Variants in VAV3 observed in about 807,000 individuals in gnomAD.
VAV3 encodes the protein guanine nucleotide exchange factor VAV3.
VAV3 carries 94 observed loss-of-function variants against 131.2 expected under a neutral mutation model. The ratio of observed to expected loss-of-function variants is 0.72; its 90% CI spans 0.61 to 0.85. The LOEUF (loss-of-function observed/expected upper bound fraction) is 0.85. Among genes scored for constraint, VAV3 ranks in the 40% least tolerant of loss-of-function variants. The pLI is 0.00. For missense variants in VAV3, 939 were observed against 1,002.7 expected, an observed-to-expected ratio of 0.94 and a Z score of 0.86; for synonymous variants, 349 against 342.0, an observed-to-expected ratio of 1.02 and a Z score of -0.22.
chr1:107,903,384 A>C (rs1671960369), intron 1 of VAV3, among the ~76,000 whole-genome samples: 1 of 152,128 alleles, frequency 6.6e-6, no homozygotes, highest in African/African-American at 2.4e-5. Context: ...TCAATCCCAG[A>C]CTTCCTAGGC....
intron 20 of VAV3, among the ~76,000 whole-genome samples, chr1:107,626,682 T>C (rs972574171): frequency 6.6e-6 from 1 of 152,136 alleles, no homozygotes; most frequent in African/African-American, 2.4e-5. Flanking sequence ...AAAGGATCAT[T>C]GCCATGATAA....
chr1:107,860,271 G>A (rs1669676144), intron 2 of VAV3, among the ~76,000 whole-genome samples: 1 of 151,846 alleles, frequency 6.6e-6, no homozygotes, highest in South Asian at 2.1e-4. Flanking sequence ...CACATGCATG[G>A]CACCACACCT....
chr1:107,623,486 G>C (rs951889527), intron 20 of VAV3, among the ~76,000 whole-genome samples: 4 of 152,122 alleles, frequency 2.6e-5, no homozygotes, highest in Admixed American at 1.3e-4. Context: ...AACTTGCTAA[G>C]CCGCAAGGAA....
At chr1:107,607,334 G>A (rs891451938) in intron 22 of VAV3, among the ~76,000 whole-genome samples, 5 of 152,018 alleles carry the variant, frequency 3.3e-5, no homozygotes, top group Middle Eastern at 3.2e-3. Context: ...ACTCTATTTC[G>A]TTTCTTTGGC....
intron 19 of VAV3, among the ~76,000 whole-genome samples, chr1:107,680,214 C>T (rs1383257692): frequency 1.3e-5 from 2 of 148,444 alleles, no homozygotes. Context: ...ATAACAAACA[C>T]TAATAATTTC....
intron 10 of VAV3, among the ~76,000 whole-genome samples, chr1:107,759,796 A>G (rs1183282838): frequency 6.6e-6 from 1 of 152,186 alleles, no homozygotes; most frequent in African/African-American, 2.4e-5. Flanking sequence ...TACCTTCTAA[A>G]TTCTTCAATC....
At chr1:107,631,728 TTTGG>T (rs1654506816) in intron 20 of VAV3, among the ~76,000 whole-genome samples, 1 of 148,876 alleles carries the variant, frequency 6.7e-6, no homozygotes, top group Non-Finnish European at 1.5e-5. Context: ...ACATGCGGTG[TTTGG>T]TTTTTTGTCC....
intron 15 of VAV3, among the ~76,000 whole-genome samples, chr1:107,728,612 T>C (rs141400765): frequency 0.17 from 14,885 of 90,128 alleles, 1,183 homozygotes; most frequent in African/African-American, 0.27. Context: ...TATATGTATA[T>C]GTATATGTAT....
intron 1 of VAV3, among the ~76,000 whole-genome samples, chr1:107,956,455 A>C (rs186598375): frequency 1.7e-4 from 26 of 152,260 alleles, no homozygotes; most frequent in Admixed American, 3.9e-4. Flanking sequence ...TAGAATTCTA[A>C]ACTGATAAGC....
chr1:107,658,279 C>T (rs1194691230), intron 19 of VAV3, among the ~76,000 whole-genome samples: 1 of 152,204 alleles, frequency 6.6e-6, no homozygotes, highest in Non-Finnish European at 1.5e-5. Context: ...GACATGAACT[C>T]ATCATTCCTT....
At chr1:107,762,349 C>A (rs1664489941) in intron 9 of VAV3, among the ~76,000 whole-genome samples, 1 of 152,186 alleles carries the variant, frequency 6.6e-6, no homozygotes, top group Non-Finnish European at 1.5e-5. Context: ...ACACCATTAA[C>A]TCTAATGATC....
intron 1 of VAV3, among the ~76,000 whole-genome samples, chr1:107,914,174 G>A (rs552540959): frequency 6.6e-6 from 1 of 152,220 alleles, no homozygotes; most frequent in East Asian, 1.9e-4. Flanking sequence ...ACAGATGAAT[G>A]TAAATGGCTA....
chr1:107,727,403 AT>A (rs1661914375), intron 15 of VAV3, among the ~76,000 whole-genome samples: 1 of 152,200 alleles, frequency 6.6e-6, no homozygotes, highest in Non-Finnish European at 1.5e-5. Flanking sequence ...CATTAACATT[AT>A]TCTCAGCTGC....
Position 107,902,056 on chromosome 1 carries a change from A to C in VAV3, c.205-27039T>G, listed in dbSNP as rs534263914. ...AAAACTCCATCTCAAAAAAAAAAACAAAAAAAACAACAACAAAAACTGTTA... is the reference window on the plus strand; with the variant it reads ...AAAACTCCATCTCAAAAAAAAAAACCAAAAAAACAACAACAAAAACTGTTA... On this transcript the variant is annotated intron_variant, in intron 1 of 26. Transcript: ENST00000370056. Among the ~76,000 whole-genome samples the C allele has an allele frequency of 2.6e-3, 400 of 151,566 alleles. 3 individuals are homozygous for C. The highest frequency in any genetic ancestry group is 9.3e-3 in the African/African-American group (386 of 41,358).
At chr1:107,593,024 TTTTC>T (rs1651088381) in intron 25 of VAV3, among the ~76,000 whole-genome samples, 1 of 152,112 alleles carries the variant, frequency 6.6e-6, no homozygotes, top group Non-Finnish European at 1.5e-5. Context: ...TCTTTGTTCT[TTTTC>T]TTTCTCTCTT....
chr1:107,726,588 G>C (rs1474087916), intron 15 of VAV3, among the ~76,000 whole-genome samples: 1 of 152,098 alleles, frequency 6.6e-6, no homozygotes, highest in East Asian at 1.9e-4. Flanking sequence ...CAAGCTCTCT[G>C]GATCACACAC....
chr1:107,596,100 G>C lies in VAV3; in HGVS notation c.2350+112C>G, dbSNP rs538247272. On this transcript the variant is annotated intron_variant, in intron 25 of 26. Transcript: ENST00000370056. The stretch of plus-strand genomic sequence containing the variant: ...CTCCAGAAAAGAAGTCCTTGCTCAT[G>C]CATTAGCGCATCCATTGGTTATATT... 1,670 of 1,390,226 alleles carry C rather than the reference G, an allele frequency of 1.2e-3. 3 individuals are homozygous for C. The highest frequency in any genetic ancestry group is 1.5e-3 in the Non-Finnish European group (1,516 of 1,023,460). 86.1% of individuals were successfully genotyped at this position (1,390,226 alleles called of 1,614,324 possible). A position where few individuals can be genotyped will look rare whatever the true frequency, so the allele number is the denominator to read the frequency against.
chr1:107,596,121 A>G (rs558569467), intron 25 of VAV3, 91 bp downstream of exon 25: 2 of 1,514,070 alleles, frequency 1.3e-6, no homozygotes, highest in East Asian at 2.3e-5. Context: ...TCCATTGGTT[A>G]TATTTTAAAA....
intron 15 of VAV3, among the ~76,000 whole-genome samples, chr1:107,720,939 T>C (rs749078368): frequency 2.0e-5 from 3 of 152,146 alleles, no homozygotes; most frequent in Non-Finnish European, 2.9e-5. Flanking sequence ...GAGAGGATAA[T>C]TGGCTATCCT....
Sources: gnomAD v4.1 joint callset for allele counts (sites outside exome capture counted in the v4.1 genomes callset) on GRCh38, gnomAD v4.1.1 for gene constraint, MANE v1.5 for transcripts, NCBI Gene and HGNC (gene_info 2026-07-23, HGNC 2026-07-21) for gene names.